Variants in LMF1 observed in about 807,000 individuals in gnomAD.
The protein encoded by LMF1 is transmembrane protein 112.
A neutral mutation model predicts 60.6 loss-of-function variants in LMF1; 68 were observed. That is an observed-to-expected ratio of 1.12 (90% CI 0.92 to 1.37). LMF1 has a LOEUF of 1.37. Among genes scored for constraint, LMF1 ranks in the 40% most tolerant of loss-of-function variants. The probability of loss-of-function intolerance (pLI) is 0.00; values close to 1 mark genes in which losing one functional copy is unlikely to be tolerated. For missense variants in LMF1, 948 were observed against 767.2 expected (o/e 1.24, Z -2.78); for synonymous variants, 418 against 324.7 (o/e 1.29, Z -3.09).
chr16:861,123 G>A (rs775551322), intron 10 of LMF1, among the ~76,000 whole-genome samples: 1 of 152,052 alleles, frequency 6.6e-6, no homozygotes, highest in Non-Finnish European at 1.5e-5. Context: ...GTGTCTCTAG[G>A]TGTGTGCTGA....
intron 1 of LMF1, chr16:976,861 G>A (rs1021731607): frequency 4.4e-6 from 2 of 454,008 alleles, no homozygotes; most frequent in African/African-American, 2.0e-5. Context: ...CGAACAGCCT[G>A]GGCAGGGGTC....
In LMF1 at chr16:956,289, A is replaced by G. The variant is rs2072703083; in HGVS notation, c.194-1623T>C. ...AGTTCATGTCCCACGGCGCCCACCCACAACAGCTCTCTCACATCCTCTGGA... is the reference window on the plus strand; with the variant it reads ...AGTTCATGTCCCACGGCGCCCACCCGCAACAGCTCTCTCACATCCTCTGGA... On this transcript the variant is annotated intron_variant, in intron 1 of 10. Coordinates refer to ENST00000262301, the MANE Select transcript of LMF1 (RefSeq NM_022773.4). Among the ~76,000 whole-genome samples, 4 of 140,980 alleles carry G rather than the reference A, an allele frequency of 2.8e-5. No individual in the cohort carries two copies. The Admixed American group carries it at 2.9e-4, about 10-fold the overall frequency. 92.5% of individuals were successfully genotyped at this position (140,980 alleles called of 152,430 possible). A position where few individuals can be genotyped will look rare whatever the true frequency, so the allele number is the denominator to read the frequency against.
rs1376662848 is a variant in LMF1, at chr16:934,358, G to A, written c.504-104C>T. The A allele has an allele frequency of 6.9e-6, 10 of 1,458,648 alleles. 1 individual carries two copies. Among genetic ancestry groups the A allele is most frequent in the Non-Finnish European group, 9.5e-6 (10 of 1,056,482 alleles). 90.4% of individuals were successfully genotyped at this position (1,458,648 alleles called of 1,614,324 possible). A position where few individuals can be genotyped will look rare whatever the true frequency, so the allele number is the denominator to read the frequency against. On this transcript the variant is annotated intron_variant, in intron 2 of 10. Coordinates refer to ENST00000262301, the MANE Select transcript of LMF1 (RefSeq NM_022773.4). ...AGCCCACCCTGGCACCCAGCACGGTGTGGGGTCAGGGAAGCCCTGCGAGGA... is the reference window on the plus strand; with the variant it reads ...AGCCCACCCTGGCACCCAGCACGGTATGGGGTCAGGGAAGCCCTGCGAGGA...
intron 1 of LMF1, among the ~76,000 whole-genome samples, chr16:960,564 C>T (rs1366306686): frequency 1.7e-4 from 22 of 132,802 alleles, no homozygotes; most frequent in African/African-American, 5.2e-4. Flanking sequence ...CACAGACTCA[C>T]GGTGACAGCA....
At chr16:859,068 A>T (rs370784853) in intron 10 of LMF1, among the ~76,000 whole-genome samples, 82 of 37,196 alleles carry the variant, frequency 2.2e-3, no homozygotes, top group East Asian at 6.5e-3. Flanking sequence ...GAGTGGTGTC[A>T]CGGGACGGGT....
chr16:923,063 G>A (rs532027281), intron 3 of LMF1, among the ~76,000 whole-genome samples: 8 of 139,556 alleles, frequency 5.7e-5, no homozygotes, highest in African/African-American at 1.8e-4. Context: ...CGGGTGTGAT[G>A]TGGTGTTGGT....
chr16:889,066 C>T (rs549112914), intron 5 of LMF1, among the ~76,000 whole-genome samples: 2 of 152,274 alleles, frequency 1.3e-5, no homozygotes, highest in South Asian at 2.1e-4. Flanking sequence ...CCTTGGCCTG[C>T]GGGGTCTGCA....
chr16:894,178 TCCACTGGACTGTCCGCCCACCCGTC>T, intron 4 of LMF1, among the ~76,000 whole-genome samples: 1 of 126,300 alleles, frequency 7.9e-6, no homozygotes, highest in Non-Finnish European at 1.6e-5. Context: ...CGTCCCCCTG[TCCACTGGACTGTCCGCCCACCCGTC>T]CCCCTGTCCA....
intron 4 of LMF1, chr16:899,034 C>CT (rs1167404251): frequency 1.3e-5 from 2 of 152,252 alleles, no homozygotes; most frequent in African/African-American, 2.4e-5. Flanking sequence ...TTTTATTTTG[C>CT]ACCCCCACAA....
Position 970,804 on chromosome 16 carries a change from G to A in LMF1, c.177C>T (p.Ala59=), listed in dbSNP as rs1197165748. ...GGCACTCACAGTACACGAAGGCTAG[G>A]GCCTTCAGGAGCACGATCCGGGTCA... is the stretch of plus-strand genomic sequence containing the variant. ...FWLTRIVLLK[A]LAFVYFVAFL... is the part of the protein sequence containing the mutation. Residue 59 remains alanine (A), a synonymous_variant, in exon 1 of 11, where the codon GCC becomes GCT. Transcript: ENST00000262301. The A allele has an allele frequency of 1.3e-6, 2 of 1,540,182 alleles. No individual in the cohort carries two copies. Among genetic ancestry groups the A allele is most frequent in the Non-Finnish European group, 8.8e-7 (1 of 1,142,750 alleles).
intron 4 of LMF1, chr16:903,959 G>A (rs1344722214): frequency 8.5e-5 from 14 of 163,884 alleles, no homozygotes; most frequent in South Asian, 2.1e-4. Flanking sequence ...TCTCTGCTGT[G>A]TGGTGGTGAC....
At chr16:929,217 G>A (rs1299243235) in intron 3 of LMF1, among the ~76,000 whole-genome samples, 1 of 152,234 alleles carries the variant, frequency 6.6e-6, no homozygotes, top group East Asian at 1.9e-4. Flanking sequence ...GACCGGCCCT[G>A]GTCTCAGTCC....
intron 10 of LMF1, among the ~76,000 whole-genome samples, chr16:860,330 A>AT (rs751793928): frequency 6.8e-6 from 1 of 147,064 alleles, no homozygotes; most frequent in African/African-American, 2.5e-5. Context: ...ATTTTCTTCT[A>AT]TTTTTTCCTG....
intron 1 of LMF1, among the ~76,000 whole-genome samples, chr16:970,173 C>G (rs972442044): frequency 6.6e-6 from 1 of 152,258 alleles, no homozygotes; most frequent in Non-Finnish European, 1.5e-5. Context: ...AAAGGAGAAA[C>G]TCCAGTCTGG....
chr16:943,811 C>T (rs1258307373), intron 2 of LMF1, among the ~76,000 whole-genome samples: 1 of 148,708 alleles, frequency 6.7e-6, no homozygotes, highest in African/African-American at 2.5e-5. Context: ...ATCCTCTTTT[C>T]TACGTGTGCT....
chr16:883,179 G>A (rs2070214740), intron 5 of LMF1, among the ~76,000 whole-genome samples: 1 of 150,734 alleles, frequency 6.6e-6, no homozygotes, highest in Admixed American at 6.6e-5. Flanking sequence ...AGGACCAGGA[G>A]AAAGAGGAGC....
intron 5 of LMF1, among the ~76,000 whole-genome samples, chr16:882,557 C>T (rs1311900482): frequency 6.6e-6 from 1 of 152,266 alleles, no homozygotes; most frequent in Non-Finnish European, 1.5e-5. Context: ...TGAATGACCC[C>T]ACCTGACACC....
At chr16:956,805 C>T (rs936793794) in intron 1 of LMF1, among the ~76,000 whole-genome samples, 27 of 144,652 alleles carry the variant, frequency 1.9e-4, no homozygotes, top group African/African-American at 6.7e-4. Context: ...GATTGCGCCA[C>T]TGCACTCCAG....
intron 2 of LMF1, among the ~76,000 whole-genome samples, chr16:951,724 T>A (rs1277847563): frequency 6.6e-6 from 1 of 152,132 alleles, no homozygotes. Flanking sequence ...GGCTCATGAC[T>A]CCTGCAGACC....
Sources: gnomAD v4.1 joint callset for allele counts (sites outside exome capture counted in the v4.1 genomes callset) on GRCh38, gnomAD v4.1.1 for gene constraint, MANE v1.5 for transcripts, NCBI Gene and HGNC (gene_info 2026-07-23, HGNC 2026-07-21) for gene names.